Variants in CELF4 observed in about 807,000 individuals in gnomAD.
CELF4 encodes the protein CUG-BP- and ETR-3-like factor 4.
In CELF4, 18 loss-of-function variants were observed where a neutral mutation model predicts 59.9. That is an observed-to-expected ratio of 0.30 (90% CI 0.21 to 0.45). The LOEUF (loss-of-function observed/expected upper bound fraction) is 0.45, where lower values mean the gene tolerates loss of function less well. Among genes scored for constraint, CELF4 ranks in the 20% least tolerant of loss-of-function variants. The pLI is 1.00. For missense variants in CELF4, 456 were observed against 689.0 expected (o/e 0.66, Z 3.79); for synonymous variants, 261 against 267.1 (o/e 0.98, Z 0.22).
intron 8 of CELF4, among the ~76,000 whole-genome samples, chr18:37,269,324 T>G (rs1786054): frequency 6.6e-5 from 10 of 151,970 alleles, no homozygotes; most frequent in African/African-American, 2.4e-4. Flanking sequence ...GGAATGGGAT[T>G]AAGGAAAACT....
intron 2 of CELF4, among the ~76,000 whole-genome samples, chr18:37,332,129 C>T (rs565480854): frequency 6.6e-6 from 1 of 152,262 alleles, no homozygotes; most frequent in South Asian, 2.1e-4. Flanking sequence ...GTGCCTTCCC[C>T]ACCTGTGGGA....
chr18:37,330,045 T>C (rs1051466845), intron 2 of CELF4, among the ~76,000 whole-genome samples: 1 of 152,164 alleles, frequency 6.6e-6, no homozygotes, highest in Non-Finnish European at 1.5e-5. Flanking sequence ...TTTGAGGGGA[T>C]AGACCAAGAA....
chr18:37,479,932 A>G (rs1179972666), intron 2 of CELF4, among the ~76,000 whole-genome samples: 1 of 152,226 alleles, frequency 6.6e-6, no homozygotes, highest in Non-Finnish European at 1.5e-5. Context: ...TGGAAAGATG[A>G]TGCAAAGACA....
chr18:37,270,717 T>C (rs776305083), intron 8 of CELF4, 51 bp downstream of exon 8: 1 of 1,606,118 alleles, frequency 6.2e-7, no homozygotes, highest in Admixed American at 1.7e-5. Context: ...AGGGACAGCA[T>C]GGATAAAGAA....
chr18:37,369,247 T>G (rs1407883903), intron 2 of CELF4, among the ~76,000 whole-genome samples: 1 of 151,642 alleles, frequency 6.6e-6, no homozygotes, highest in African/African-American at 2.4e-5. Context: ...CAGTGTATGG[T>G]GGGGGGGTGG....
rs150943439 is a variant in CELF4 at position 37,445,323 on chromosome 18, C to G, written c.369+40202G>C. On this transcript the variant is annotated intron_variant, in intron 2 of 12. Transcript: ENST00000420428. ...AGGGTCTTGTTTCTCTATTCTCCCC[C>G]AGGGGAGCAGAAATGGAGCCTGGAA... Among the ~76,000 whole-genome samples, 152 of 151,912 alleles carry G rather than the reference C, an allele frequency of 1.0e-3. 1 individual carries two copies. The highest frequency in any genetic ancestry group is 3.5e-3 in the African/African-American group (145 of 41,428).
At chr18:37,393,977 G>T (rs1218679890) in intron 2 of CELF4, among the ~76,000 whole-genome samples, 9 of 151,508 alleles carry the variant, frequency 5.9e-5, no homozygotes, top group Non-Finnish European at 1.3e-4. Flanking sequence ...TCGGCTCTGG[G>T]ATTTGCATGA....
At chr18:37,421,965 A>G (rs2099581051) in intron 2 of CELF4, among the ~76,000 whole-genome samples, 2 of 152,258 alleles carry the variant, frequency 1.3e-5, no homozygotes, top group Admixed American at 6.5e-5. Flanking sequence ...AACACGGAGA[A>G]AAGATATTCC....
rs543026192 is a variant in CELF4 at position 37,367,924 on chromosome 18, C to A, written c.370-46043G>T. On this transcript the variant is annotated intron_variant, in intron 2 of 12. Transcript: ENST00000420428. Reference sequence around the variant, plus strand: ...AGTTAATTGTTTGGCTGTGTTAACACCCCCCACACCCAGCCCATCTTCCAG... The same window carrying A: ...AGTTAATTGTTTGGCTGTGTTAACAACCCCCACACCCAGCCCATCTTCCAG... Among the ~76,000 whole-genome samples, 10 of 152,206 alleles carry A rather than the reference C, an allele frequency of 6.6e-5. No homozygotes were observed. In the East Asian group the frequency reaches 1.9e-3, roughly 30 times the overall value.
chr18:37,510,094 C>T (rs1303263722), intron 1 of CELF4, among the ~76,000 whole-genome samples: 1 of 152,132 alleles, frequency 6.6e-6, no homozygotes, highest in Non-Finnish European at 1.5e-5. Context: ...ATGATAGTTG[C>T]ACAACACAGA....
chr18:37,398,114 G>A (rs2099268765), intron 2 of CELF4, among the ~76,000 whole-genome samples: 1 of 152,222 alleles, frequency 6.6e-6, no homozygotes, highest in South Asian at 2.1e-4. Flanking sequence ...GGACAGGTGT[G>A]TCAAGTGAGC....
intron 1 of CELF4, among the ~76,000 whole-genome samples, chr18:37,539,831 C>T (rs930551747): frequency 6.6e-6 from 1 of 151,940 alleles, no homozygotes; most frequent in African/African-American, 2.4e-5. Context: ...ATGTAAATAG[C>T]CACACACCGC....
intron 1 of CELF4, among the ~76,000 whole-genome samples, chr18:37,540,366 T>C (rs549041577): frequency 6.6e-6 from 1 of 152,350 alleles, no homozygotes; most frequent in Non-Finnish European, 1.5e-5. Context: ...TTGCTTTTAT[T>C]GTTTTTTTAC....
At chr18:37,490,637 A>G (rs1210788845) in intron 1 of CELF4, among the ~76,000 whole-genome samples, 1 of 152,124 alleles carries the variant, frequency 6.6e-6, no homozygotes, top group East Asian at 1.9e-4. Flanking sequence ...CAACTCAGCA[A>G]GCTGGAAATG....
chr18:37,495,097 C>A (rs542429153), intron 1 of CELF4, among the ~76,000 whole-genome samples: 1 of 152,308 alleles, frequency 6.6e-6, no homozygotes, highest in South Asian at 2.1e-4. Flanking sequence ...AGGATAAATT[C>A]TTTGCTAGAA....
intron 10 of CELF4, among the ~76,000 whole-genome samples, chr18:37,261,841 G>A (rs2074718121): frequency 6.6e-6 from 1 of 152,222 alleles, no homozygotes; most frequent in Non-Finnish European, 1.5e-5. Flanking sequence ...TGAGGAGGTG[G>A]CAGAAGGGTC....
chr18:37,547,786 G>T (rs1016649416), intron 1 of CELF4, among the ~76,000 whole-genome samples: 1 of 152,236 alleles, frequency 6.6e-6, no homozygotes, highest in South Asian at 2.1e-4. Flanking sequence ...TGGATAAATT[G>T]TGTCTCTGGC....
At chr18:37,422,832 C>T (rs2099586495) in intron 2 of CELF4, among the ~76,000 whole-genome samples, 2 of 152,208 alleles carry the variant, frequency 1.3e-5, no homozygotes, top group African/African-American at 4.8e-5. Context: ...TGAAAAGGCT[C>T]TGAAGTCATC....
At chr18:37,274,141 A>T in intron 6 of CELF4, 170 bp downstream of exon 6, 1 of 1,431,286 alleles carries the variant, frequency 7.0e-7, no homozygotes, top group East Asian at 2.6e-5. Flanking sequence ...GCCTTCTTTC[A>T]AACCCTTCTG....
Sources: allele counts gnomAD v4.1 joint callset (sites outside exome capture counted in the v4.1 genomes callset), GRCh38; gene constraint gnomAD v4.1.1; transcripts MANE v1.5; gene names NCBI Gene and HGNC (gene_info 2026-07-23, HGNC 2026-07-21).